The following HSD17B12 variants were observed in gnomAD, a reference collection of about 807,000 sequenced individuals.
HSD17B12 encodes very-long-chain 3-oxoacyl-CoA reductase.
HSD17B12 carries 32 observed loss-of-function variants against 39.3 expected under a neutral mutation model. The observed-to-expected ratio is 0.81, with a 90% CI of 0.61 to 1.09. The LOEUF (loss-of-function observed/expected upper bound fraction) is 1.09, where lower values mean the gene tolerates loss of function less well. HSD17B12 is among the 50% of genes least tolerant of loss of function. The pLI is 0.00. For missense variants in HSD17B12, 342 were observed against 382.9 expected (o/e 0.89, Z 0.89); for synonymous variants, 150 against 146.7 (o/e 1.02, Z -0.16).
chr11:43,851,664 T>C (rs533956832), intron 9 of HSD17B12, among the ~76,000 whole-genome samples: 47 of 152,286 alleles, frequency 3.1e-4, no homozygotes, highest in African/African-American at 1.1e-3. Context: ...TTCGGTGCTG[T>C]CCATAATGAA....
intron 6 of HSD17B12, among the ~76,000 whole-genome samples, chr11:43,818,652 GT>G (rs1162620230): frequency 6.6e-6 from 1 of 152,074 alleles, no homozygotes; most frequent in Non-Finnish European, 1.5e-5. Context: ...TATTAGCCAA[GT>G]TTTTTTCTCA....
chr11:43,700,122 C>A (rs12277307), intron 1 of HSD17B12, among the ~76,000 whole-genome samples: 74,330 of 151,938 alleles, frequency 0.49, 18,629 homozygotes, highest in Non-Finnish European at 0.53. Context: ...GGGGAGGAGC[C>A]TGAGTTCCCT....
intron 1 of HSD17B12, among the ~76,000 whole-genome samples, chr11:43,706,721 T>TGTGTGTGTGTGTG (rs368772116): frequency 1.4e-5 from 2 of 139,116 alleles, no homozygotes; most frequent in Non-Finnish European, 3.2e-5. Flanking sequence ...TGTGTGTGTG[T>TGTGTGTGTGTGTG]TGTGGGGGGT....
chr11:43,640,628 G>C, the HSD17B12 span, among the ~76,000 whole-genome samples: 1 of 151,830 alleles, frequency 6.6e-6, no homozygotes, highest in Non-Finnish European at 1.5e-5. Context: ...GAATTGTTAC[G>C]TATTAGGAAA....
chr11:43,813,218 A>G (rs898003505), intron 4 of HSD17B12, among the ~76,000 whole-genome samples: 14 of 152,274 alleles, frequency 9.2e-5, no homozygotes, highest in African/African-American at 3.4e-4. Context: ...TCCTTTGCTT[A>G]ACTTTGTACT....
At chr11:43,720,368 A>T (rs983458551) in intron 1 of HSD17B12, among the ~76,000 whole-genome samples, 2 of 152,230 alleles carry the variant, frequency 1.3e-5, no homozygotes, top group African/African-American at 2.4e-5. Flanking sequence ...TAAATATTCT[A>T]TCTTATGTAA....
intron 3 of HSD17B12, among the ~76,000 whole-genome samples, chr11:43,760,382 A>G (rs1950545883): frequency 6.6e-6 from 1 of 152,154 alleles, no homozygotes; most frequent in African/African-American, 2.4e-5. Context: ...ATGCAGTTTA[A>G]TAAACTTTGA....
At chr11:43,699,263 C>T (rs960969719) in intron 1 of HSD17B12, among the ~76,000 whole-genome samples, 5 of 152,078 alleles carry the variant, frequency 3.3e-5, no homozygotes, top group Non-Finnish European at 7.4e-5. Context: ...CCCACTGTTC[C>T]CATCTCATGC....
rs569310263 is a variant in HSD17B12 at position 43,755,204 on chromosome 11, T to C, written c.283+1083T>C. On this transcript the variant is annotated intron_variant, in intron 3 of 10. Transcript: ENST00000278353. ...GTTCTATAAAAACTAAGTTGAATGC[T>C]CTAAAAAAAGTGAGTAAAATTACTT... 1.8e-3 allele frequency: 391 copies of C among 219,896 alleles called. 1 individual carries two copies. Among genetic ancestry groups the C allele is most frequent in the African/African-American group, 8.3e-3 (370 of 44,478 alleles). 13.6% of individuals were successfully genotyped at this position (219,896 alleles called of 1,614,324 possible). A position where few individuals can be genotyped will look rare whatever the true frequency, so the allele number is the denominator to read the frequency against.
chr11:43,815,341 TATATC>T, intron 4 of HSD17B12, 91 bp from the exon 5 acceptor site: 1 of 563,466 alleles, frequency 1.8e-6, no homozygotes, highest in African/African-American at 1.9e-5. Context: ...TATAATTATA[TATATC>T]ATATTAGTCT....
the HSD17B12 span, among the ~76,000 whole-genome samples, chr11:43,571,694 T>G: frequency 2.6e-5 from 4 of 152,178 alleles, no homozygotes; most frequent in Non-Finnish European, 4.4e-5. Flanking sequence ...TATTTTGAGT[T>G]GTTGATGGCA....
In HSD17B12 at chr11:43,694,999, G is replaced by A. The variant is rs959229074; in HGVS notation, c.160+14012G>A. The stretch of plus-strand genomic sequence containing the variant: ...TAGACCAGCCTGGCCTGGTCTAGTA[G>A]AGATGGTGAAACCCCATCTCTACTG... On this transcript the variant is annotated intron_variant, in intron 1 of 10. Transcript: ENST00000278353. Among the ~76,000 whole-genome samples the A allele has an allele frequency of 4.6e-5, 7 of 152,118 alleles. No homozygotes were observed. The East Asian group carries it at 1.4e-3, about 30-fold the overall frequency.
intron 1 of HSD17B12, 28 bp downstream of exon 1, chr11:43,681,015 G>T (rs777131362): frequency 3.9e-6 from 6 of 1,558,104 alleles, no homozygotes; most frequent in Non-Finnish European, 1.7e-6. Flanking sequence ...CCGCGTCCTC[G>T]CTCCCGCGGC....
At chr11:43,648,580 A>G in the HSD17B12 span, among the ~76,000 whole-genome samples, 1 of 152,234 alleles carries the variant, frequency 6.6e-6, no homozygotes, top group East Asian at 1.9e-4. Context: ...AGGACAGTAT[A>G]AGGAGAAATC....
chr11:43,673,487 CTTTTCTTTTTTTTT>C, the HSD17B12 span: 2 of 70,360 alleles, frequency 2.8e-5, no homozygotes, highest in Admixed American at 2.7e-4. Flanking sequence ...CTTTTCTTTT[CTTTTCTTTTTTTTT>C]TTTTTTTTTG....
At chr11:43,733,188 A>T (rs1950285150) in intron 1 of HSD17B12, among the ~76,000 whole-genome samples, 1 of 152,226 alleles carries the variant, frequency 6.6e-6, no homozygotes, top group Non-Finnish European at 1.5e-5. Context: ...TTATTGCTGA[A>T]TGCGTCTGTT....
chr11:43,820,879 A>C (rs970777016), intron 6 of HSD17B12, among the ~76,000 whole-genome samples: 6 of 152,202 alleles, frequency 3.9e-5, no homozygotes, highest in African/African-American at 1.4e-4. Flanking sequence ...ACACTGAATG[A>C]CCTGGCTTTA....
the HSD17B12 span, among the ~76,000 whole-genome samples, chr11:43,660,002 G>A: frequency 2.0e-5 from 3 of 151,934 alleles, no homozygotes; most frequent in Admixed American, 6.6e-5. Context: ...ATCACTCCAC[G>A]CCTGCTAGCC....
the HSD17B12 span, among the ~76,000 whole-genome samples, chr11:43,588,766 T>A: frequency 6.6e-6 from 1 of 151,834 alleles, no homozygotes; most frequent in East Asian, 1.9e-4. Context: ...GAAGCATCTG[T>A]CCATTTGTTC....
Sources: gnomAD v4.1 joint callset for allele counts (sites outside exome capture counted in the v4.1 genomes callset) on GRCh38, gnomAD v4.1.1 for gene constraint, MANE v1.5 for transcripts, NCBI Gene and HGNC (gene_info 2026-07-23, HGNC 2026-07-21) for gene names.